Variants in PDE1C observed in about 807,000 individuals in gnomAD.
PDE1C encodes the protein phosphodiesterase 1C.
In PDE1C, 62 loss-of-function variants were observed where a neutral mutation model predicts 93.1. That is an observed-to-expected ratio of 0.67 (90% CI 0.54 to 0.82). The LOEUF (loss-of-function observed/expected upper bound fraction) is 0.82, where lower values mean the gene tolerates loss of function less well. Among genes scored for constraint, PDE1C ranks in the 40% least tolerant of loss-of-function variants. The pLI is 0.00. For synonymous variants in PDE1C, 325 were observed against 310.1 expected, an observed-to-expected ratio of 1.05 and a Z score of -0.50; for missense variants, 742 against 884.6, an observed-to-expected ratio of 0.84 and a Z score of 2.04.
At chr7:31,718,887 C>T in the PDE1C span, among the ~76,000 whole-genome samples, 292 of 152,222 alleles carry the variant, frequency 1.9e-3, 2 homozygotes, top group Middle Eastern at 6.8e-3. Context: ...TCTGAAACAC[C>T]CTACAGAGTA....
the PDE1C span, among the ~76,000 whole-genome samples, chr7:31,624,928 A>G: frequency 6.6e-6 from 1 of 152,226 alleles, no homozygotes; most frequent in African/African-American, 2.4e-5. Context: ...ATTTACAAGA[A>G]AAAAACAAAC....
At chr7:32,349,774 C>T (rs562176351) in intron 1 of PDE1C, among the ~76,000 whole-genome samples, 10 of 152,122 alleles carry the variant, frequency 6.6e-5, no homozygotes, top group Middle Eastern at 3.4e-3. Flanking sequence ...GGACTGCAGG[C>T]GCATGCCACC....
intron 1 of PDE1C, among the ~76,000 whole-genome samples, chr7:32,415,747 C>T (rs549401064): frequency 1.9e-4 from 29 of 152,136 alleles, no homozygotes; most frequent in African/African-American, 6.5e-4. Context: ...CCTTCTCCCT[C>T]GGGAGCACAC....
chr7:31,760,607 T>C (rs995768183), intron 17 of PDE1C, among the ~76,000 whole-genome samples: 6 of 152,194 alleles, frequency 3.9e-5, no homozygotes, highest in Non-Finnish European at 5.9e-5. Context: ...TTTGGTCTAC[T>C]TGGAGCTTTT....
chr7:32,281,723 C>T (rs1250172131), intron 1 of PDE1C, among the ~76,000 whole-genome samples: 1 of 152,158 alleles, frequency 6.6e-6, no homozygotes, highest in Non-Finnish European at 1.5e-5. Context: ...CAGATGCACA[C>T]GTATGTTTGT....
chr7:32,256,307 C>G (rs1809791102), intron 1 of PDE1C, among the ~76,000 whole-genome samples: 1 of 152,156 alleles, frequency 6.6e-6, no homozygotes, highest in South Asian at 2.1e-4. Context: ...CATAAACATC[C>G]TGTTTGGAGC....
At chr7:32,095,012 C>G (rs1797675233) in intron 3 of PDE1C, among the ~76,000 whole-genome samples, 1 of 152,194 alleles carries the variant, frequency 6.6e-6, no homozygotes. Context: ...CTGCTAAGAT[C>G]TGCATATCTT....
intron 3 of PDE1C, among the ~76,000 whole-genome samples, chr7:32,152,442 C>T (rs1801317236): frequency 6.6e-6 from 1 of 152,120 alleles, no homozygotes; most frequent in South Asian, 2.1e-4. Flanking sequence ...GGGCAGGCTA[C>T]CTTGGAAGTA....
chr7:32,021,574 A>G (rs891697559), intron 2 of PDE1C, among the ~76,000 whole-genome samples: 2 of 152,180 alleles, frequency 1.3e-5, no homozygotes, highest in Non-Finnish European at 2.9e-5. Context: ...CTTATTCTGT[A>G]GTTCCACTTG....
intron 1 of PDE1C, among the ~76,000 whole-genome samples, chr7:32,416,008 AC>A (rs1785269772): frequency 6.6e-6 from 1 of 152,182 alleles, no homozygotes; most frequent in South Asian, 2.1e-4. Flanking sequence ...GCCAGGCTCC[AC>A]CAGGGTGGAG....
At chr7:31,849,291 T>C (rs1793030762) in intron 8 of PDE1C, among the ~76,000 whole-genome samples, 1 of 152,196 alleles carries the variant, frequency 6.6e-6, no homozygotes, top group Non-Finnish European at 1.5e-5. Context: ...CTCTCTTCCT[T>C]GGGCAGGTGA....
intron 2 of PDE1C, among the ~76,000 whole-genome samples, chr7:32,207,092 A>G (rs544350991): frequency 1.1e-3 from 173 of 152,274 alleles, no homozygotes; most frequent in African/African-American, 3.6e-3. Context: ...ATGATGGGGC[A>G]GGGGTGGTGA....
chr7:32,388,348 AG>A lies in PDE1C; in HGVS notation c.310+39473del, dbSNP rs1784680275. On this transcript the variant is annotated intron_variant, in intron 1 of 1. Coordinates refer to the PDE1C transcript ENST00000672256. The stretch of plus-strand genomic sequence containing the variant: ...GTACTGAAACTGCCATCTTCTCTGG[AG>A]TCATCTGTCAATCCCTAGAAGTTTA... Among the ~76,000 whole-genome samples, 3 of 152,300 alleles carry A rather than the reference AG, an allele frequency of 2.0e-5. No individual in the cohort carries two copies. The South Asian group carries it at 6.2e-4, about 32-fold the overall frequency.
chr7:31,901,393 A>G (rs185254439), intron 2 of PDE1C, among the ~76,000 whole-genome samples: 1 of 144,738 alleles, frequency 6.9e-6, no homozygotes, highest in Non-Finnish European at 1.6e-5. Flanking sequence ...TCAATATAAC[A>G]GCCAAAGTAT....
intron 2 of PDE1C, among the ~76,000 whole-genome samples, chr7:32,183,397 A>G (rs1384451183): frequency 6.6e-6 from 1 of 152,210 alleles, no homozygotes; most frequent in Non-Finnish European, 1.5e-5. Flanking sequence ...CTGACTTCAA[A>G]CTATACTACA....
the PDE1C span, among the ~76,000 whole-genome samples, chr7:31,674,779 A>G: frequency 6.6e-6 from 1 of 152,216 alleles, no homozygotes; most frequent in Non-Finnish European, 1.5e-5. Context: ...TGACTTAAAT[A>G]CTTAAATGGG....
rs563807563 is a variant in PDE1C at position 31,923,867 on chromosome 7, C to A, written c.129-43007G>T. Reference sequence around the variant, plus strand: ...TAAAAGAAGTGGGATTTGCTCTCAGCAGAGCCAAGCTCAGCTATATCCAAG... The same window carrying A: ...TAAAAGAAGTGGGATTTGCTCTCAGAAGAGCCAAGCTCAGCTATATCCAAG... On this transcript the variant is annotated intron_variant, in intron 2 of 17. Transcript: ENST00000396191. Among the ~76,000 whole-genome samples the A allele has an allele frequency of 1.9e-3, 293 of 152,308 alleles. 4 individuals carry two copies. Among genetic ancestry groups the A allele is most frequent in the Admixed American group, 2.5e-3 (38 of 15,300 alleles).
chr7:31,996,077 A>ACC (rs1384048897), intron 2 of PDE1C, among the ~76,000 whole-genome samples: 18 of 124,130 alleles, frequency 1.5e-4, no homozygotes, highest in African/African-American at 4.8e-4. Context: ...ACACACACAC[A>ACC]CACACACACA....
the PDE1C span, among the ~76,000 whole-genome samples, chr7:31,628,620 G>A: frequency 3.3e-5 from 5 of 151,960 alleles, no homozygotes; most frequent in South Asian, 1.0e-3. Flanking sequence ...ACCACGCCCC[G>A]CTAATTTTTG....
Sources: gnomAD v4.1 joint callset for allele counts (sites outside exome capture counted in the v4.1 genomes callset) on GRCh38, gnomAD v4.1.1 for gene constraint, MANE v1.5 for transcripts, NCBI Gene and HGNC (gene_info 2026-07-23, HGNC 2026-07-21) for gene names.